Variants in UGT1A8 observed in about 807,000 individuals in gnomAD.
UGT1A8 encodes UDP-glucuronosyltransferase 1A8.
A neutral mutation model predicts 45.3 loss-of-function variants in UGT1A8; 39 were observed. The observed-to-expected ratio is 0.86, with a 90% CI of 0.67 to 1.12. The LOEUF (loss-of-function observed/expected upper bound fraction) is 1.12, where lower values mean the gene tolerates loss of function less well. UGT1A8 is among the 50% of genes most tolerant of loss of function. UGT1A8 has a pLI of 0.00. For missense variants in UGT1A8, 719 were observed against 664.9 expected (o/e 1.08, Z -0.90); for synonymous variants, 275 against 249.2 (o/e 1.10, Z -0.97).
chr2:233,649,176 G>T, intron 1 of UGT1A8: 1 of 418,264 alleles, frequency 2.4e-6, no homozygotes, highest in Non-Finnish European at 3.8e-6. Context: ...CCACGTGTTT[G>T]TTGGTTAGCA....
At chr2:233,672,309 GA>G in intron 1 of UGT1A8, 1 of 1,613,968 alleles carries the variant, frequency 6.2e-7, no homozygotes, top group Non-Finnish European at 8.5e-7. Flanking sequence ...CAAATTGCAG[GA>G]GTTTGTTTAA....
intron 1 of UGT1A8, among the ~76,000 whole-genome samples, chr2:233,621,828 C>A (rs1451772576): frequency 6.6e-6 from 1 of 151,980 alleles, no homozygotes; most frequent in African/African-American, 2.4e-5. Flanking sequence ...TTTGCTGCAC[C>A]CATCAACTGA....
chr2:233,729,648 G>A lies in UGT1A8; in HGVS notation c.856-37386G>A, dbSNP rs777442066. 3.1e-6 allele frequency: 5 copies of A among 1,613,800 alleles called. No homozygotes were observed. In the South Asian group the frequency reaches 5.5e-5, roughly 18 times the overall value. On this transcript the variant is annotated intron_variant, in intron 1 of 4. Coordinates refer to ENST00000373450, the MANE Select transcript of UGT1A8 (RefSeq NM_019076.5). ...CGATTCCTACTGTGTTTTTTTTGAG[G>A]AACATTCCATGTGATTTAGACTTTA... is the stretch of plus-strand genomic sequence containing the variant.
chr2:233,724,897 A>G (rs1186168071), intron 1 of UGT1A8, among the ~76,000 whole-genome samples: 1 of 137,504 alleles, frequency 7.3e-6, no homozygotes, highest in Non-Finnish European at 1.5e-5. Flanking sequence ...ACTGCACTCC[A>G]GCCTGGGCAC....
At chr2:233,754,864 C>T (rs1448859484) in intron 1 of UGT1A8, 1 of 1,352,042 alleles carries the variant, frequency 7.4e-7, no homozygotes, top group South Asian at 1.1e-5. Context: ...GGTGCAGACC[C>T]TCTGCTTCTG....
intron 1 of UGT1A8, among the ~76,000 whole-genome samples, chr2:233,655,548 C>T (rs1003438543): frequency 2.0e-5 from 3 of 151,976 alleles, no homozygotes; most frequent in African/African-American, 7.3e-5. Flanking sequence ...GAAGCCAGGC[C>T]AGGAGATAAA....
At chr2:233,713,574 C>G in intron 1 of UGT1A8, 2 of 1,613,974 alleles carry the variant, frequency 1.2e-6, no homozygotes, top group Non-Finnish European at 1.7e-6. Context: ...CTCCTATATT[C>G]CTAGATTACT....
intron 1 of UGT1A8, chr2:233,681,961 C>T: frequency 1.9e-6 from 3 of 1,613,960 alleles, no homozygotes; most frequent in Non-Finnish European, 2.5e-6. Context: ...GGTGGACTGG[C>T]CTCCTTCCCC....
rs957402531 is a variant in UGT1A8 at position 233,678,133 on chromosome 2, A to G, written c.855+59571A>G. Reference sequence around the variant, plus strand: ...CTAAATAGTGGGTACTTTTGGGCATAAAGATGGCAACAATAGACACTATGG... The same window carrying G: ...CTAAATAGTGGGTACTTTTGGGCATGAAGATGGCAACAATAGACACTATGG... On this transcript the variant is annotated intron_variant, in intron 1 of 4. Coordinates refer to ENST00000373450, the MANE Select transcript of UGT1A8 (RefSeq NM_019076.5). 1.4e-4 allele frequency among the ~76,000 whole-genome samples: 21 copies of G among 152,214 alleles called. 1 individual carries two copies. Among genetic ancestry groups the G allele is most frequent in the Admixed American group, 1.3e-4 (2 of 15,280 alleles).
At chr2:233,646,214 C>G (rs990542227) in intron 1 of UGT1A8, among the ~76,000 whole-genome samples, 1 of 152,216 alleles carries the variant, frequency 6.6e-6, no homozygotes, top group East Asian at 1.9e-4. Flanking sequence ...AGGCTGCACA[C>G]AGCAGGGGGC....
chr2:233,755,241 A>T, intron 1 of UGT1A8: 1 of 865,322 alleles, frequency 1.2e-6, no homozygotes. Context: ...CTACCGGGGT[A>T]CTCCCAGCAC....
intron 1 of UGT1A8, among the ~76,000 whole-genome samples, chr2:233,730,265 T>C (rs547052963): frequency 2.0e-5 from 3 of 152,104 alleles, no homozygotes; most frequent in East Asian, 3.9e-4. Context: ...AGACTGTTGG[T>C]TTGTAAAGGC....
intron 1 of UGT1A8, among the ~76,000 whole-genome samples, chr2:233,665,472 A>C (rs999905514): frequency 6.6e-5 from 10 of 152,260 alleles, no homozygotes; most frequent in African/African-American, 2.4e-4. Flanking sequence ...GTGGCAAAGT[A>C]GTGCCTTGTA....
intron 1 of UGT1A8, chr2:233,760,847 C>G: frequency 6.2e-7 from 1 of 1,614,018 alleles, no homozygotes; most frequent in South Asian, 1.1e-5. Context: ...ACCCAGTGCC[C>G]CAACCCATTC....
rs1215363887 is a variant in UGT1A8, at chr2:233,682,113, T to C, written c.855+63551T>C. The C allele has an allele frequency of 2.5e-6, 4 of 1,614,194 alleles. No individual in the cohort carries two copies. The South Asian group carries it at 4.4e-5, about 18-fold the overall frequency. ...AGGGGGCATGAGGTGGTCGTAGTCA[T>C]GCCAGAGGTGAGTTGGCAACTGGGA... On this transcript the variant is annotated intron_variant, in intron 1 of 4. Transcript: ENST00000373450.
intron 1 of UGT1A8, chr2:233,636,953 C>G: frequency 6.2e-7 from 1 of 1,614,016 alleles, no homozygotes. Flanking sequence ...TCTTTTGATG[C>G]AGTGTTTCTG....
chr2:233,738,354 G>C (rs1033187922), intron 1 of UGT1A8, among the ~76,000 whole-genome samples: 1 of 152,188 alleles, frequency 6.6e-6, no homozygotes, highest in Non-Finnish European at 1.5e-5. Flanking sequence ...CATGGAGAGT[G>C]GGGTACTGCT....
chr2:233,732,918 G>A (rs1288769205), intron 1 of UGT1A8, among the ~76,000 whole-genome samples: 3 of 151,996 alleles, frequency 2.0e-5, no homozygotes, highest in Non-Finnish European at 2.9e-5. Flanking sequence ...CCATTTTCAC[G>A]ATATTGATTC....
At chr2:233,693,353 AT>A (rs778099997) in intron 1 of UGT1A8, 1 of 1,614,132 alleles carries the variant, frequency 6.2e-7, no homozygotes, top group Admixed American at 1.7e-5. Context: ...GAATAACATG[AT>A]TGTTATTGGC....
Sources: gnomAD v4.1 joint callset for allele counts (sites outside exome capture counted in the v4.1 genomes callset) on GRCh38, gnomAD v4.1.1 for gene constraint, MANE v1.5 for transcripts, NCBI Gene and HGNC (gene_info 2026-07-23, HGNC 2026-07-21) for gene names.